The following PTPRS variants were observed in gnomAD, a reference collection of about 807,000 sequenced individuals.
PTPRS encodes the protein receptor-type tyrosine-protein phosphatase S.
In PTPRS, 63 loss-of-function variants were observed where a neutral mutation model predicts 215.3. The ratio of observed to expected loss-of-function variants is 0.29; its 90% CI spans 0.24 to 0.36. The LOEUF (loss-of-function observed/expected upper bound fraction) is 0.36. Among genes scored for constraint, PTPRS ranks in the 10% least tolerant of loss-of-function variants. The pLI, the probability that PTPRS is intolerant of heterozygous loss-of-function variation, is 1.00. For missense variants in PTPRS, 2,258 were observed against 2,825.8 expected, an observed-to-expected ratio of 0.80 and a Z score of 4.56; for synonymous variants, 1,404 against 1,191.4, an observed-to-expected ratio of 1.18 and a Z score of -3.68.
At chr19:5,235,307 G>A (rs907834344) in intron 13 of PTPRS, among the ~76,000 whole-genome samples, 1 of 151,810 alleles carries the variant, frequency 6.6e-6, no homozygotes, top group African/African-American at 2.4e-5. Context: ...TTGGATAACT[G>A]TAACAGCACC....
chr19:5,256,564 G>A (rs1185504060), intron 8 of PTPRS, among the ~76,000 whole-genome samples: 1 of 152,010 alleles, frequency 6.6e-6, no homozygotes, highest in Non-Finnish European at 1.5e-5. Flanking sequence ...CACACCCGCT[G>A]TCCACACTCT....
Position 5,210,664 on chromosome 19 carries a change from T to G in PTPRS, c.5361+15A>C, listed in dbSNP as rs2040787158. On this transcript the variant is annotated intron_variant, in intron 34 of 37. Coordinates refer to ENST00000262963, the MANE Select transcript of PTPRS (RefSeq NM_002850.4). The surrounding 1 kb of genome is among the most constrained non-coding windows in gnomAD (Gnocchi z 4.5). ...GTCTGGCCCTCGCCCTTCCCTGCTG[T>G]GGCCCCTAGCTCACCCGGCCCATCT... 1 of 1,614,046 alleles carries G rather than the reference T, an allele frequency of 6.2e-7. No individual in the cohort carries two copies.
At position 5,214,346 on chromosome 19, in the gene PTPRS, C is replaced by T. The variant is rs776856554; in HGVS notation, c.4614+15G>A. 17 of 1,613,788 alleles carry T rather than the reference C, an allele frequency of 1.1e-5. No individual in the cohort carries two copies. Among genetic ancestry groups the T allele is most frequent in the Non-Finnish European group, 1.4e-5 (17 of 1,180,028 alleles). On this transcript the variant is annotated intron_variant, in intron 30 of 37. Transcript: ENST00000262963. The stretch of plus-strand genomic sequence containing the variant: ...TTCCTCCACCCTCAGCCCCCAGCCC[C>T]AGCCTGGGCCCCACCTTGTGCAGAG...
Position 5,274,250 on chromosome 19 carries a change from T to C in PTPRS, c.186A>G (p.Pro62=). 5.0e-6 allele frequency: 8 copies of C among 1,613,986 alleles called. No homozygotes were observed. Among genetic ancestry groups the C allele is most frequent in the Non-Finnish European group, 6.8e-6 (8 of 1,179,966 alleles). Residue 62 remains proline, a synonymous_variant, in exon 3 of 38, where the codon CCA becomes CCG. Coordinates refer to ENST00000262963, the MANE Select transcript of PTPRS (RefSeq NM_002850.4). ...FVCQATGDPK[P]RVTWNKKGKK... is the part of the protein sequence containing the mutation. ...TGCCCTTCTTGTTCCAGGTCACTCG[T>C]GGCTTGGGGTCACCCGTGGCCTGAC...
At chr19:5,217,209 G>C (rs1380540337) in intron 25 of PTPRS, among the ~76,000 whole-genome samples, 1 of 152,190 alleles carries the variant, frequency 6.6e-6, no homozygotes, top group Non-Finnish European at 1.5e-5. Flanking sequence ...TGCACATGTT[G>C]AAAATCCTTA....
At chr19:5,220,634 T>C (rs963428674) in intron 20 of PTPRS, among the ~76,000 whole-genome samples, 2 of 152,180 alleles carry the variant, frequency 1.3e-5, no homozygotes, top group African/African-American at 4.8e-5. Flanking sequence ...CCACATAACC[T>C]TGTAGCCCTT....
At chr19:5,301,719 G>A (rs1056730908) in intron 1 of PTPRS, among the ~76,000 whole-genome samples, 5 of 151,932 alleles carry the variant, frequency 3.3e-5, no homozygotes, top group African/African-American at 1.2e-4. Flanking sequence ...CCCCAGGAAG[G>A]GTGATCACAG....
chr19:5,305,939 C>CAAAAAAAAAAAAAAAAAAAAAAAA (rs35165317), intron 1 of PTPRS, among the ~76,000 whole-genome samples: 1 of 22,644 alleles, frequency 4.4e-5, no homozygotes, highest in Non-Finnish European at 6.9e-5. Flanking sequence ...GACTCCGTCT[C>CAAAAAAAAAAAAAAAAAAAAAAAA]AAAAAAAAAA....
At chr19:5,322,201 C>T (rs756161329) in intron 1 of PTPRS, among the ~76,000 whole-genome samples, 21 of 152,238 alleles carry the variant, frequency 1.4e-4, no homozygotes, top group Non-Finnish European at 2.1e-4. Context: ...CAGCTCTGCA[C>T]AGCAGACACC....
In PTPRS at chr19:5,267,380, G is replaced by A. The variant is rs1484114403; in HGVS notation, c.380-2184C>T. ...GTGCTCTACAAACCAAGATGGGCCG[G>A]CCGTGGGGGCTCACACCTGTAATCC... On this transcript the variant is annotated intron_variant, in intron 4 of 37. Coordinates refer to ENST00000262963, the MANE Select transcript of PTPRS (RefSeq NM_002850.4). 3.3e-5 allele frequency among the ~76,000 whole-genome samples: 5 copies of A among 152,110 alleles called. No homozygotes were observed. In the South Asian group the frequency reaches 8.3e-4, roughly 25 times the overall value.
At chr19:5,242,605 C>T (rs186694145) in intron 11 of PTPRS, among the ~76,000 whole-genome samples, 1 of 151,676 alleles carries the variant, frequency 6.6e-6, no homozygotes, top group Non-Finnish European at 1.5e-5. Flanking sequence ...TCTCAAACTC[C>T]TGACCTCAGG....
intron 1 of PTPRS, among the ~76,000 whole-genome samples, chr19:5,333,526 C>CACACAA (rs1555812802): frequency 2.6e-5 from 4 of 151,530 alleles, no homozygotes; most frequent in Admixed American, 2.0e-4. Context: ...CACACACACA[C>CACACAA]AATGCGATTC....
intron 1 of PTPRS, among the ~76,000 whole-genome samples, chr19:5,337,214 C>T (rs2050533157): frequency 6.6e-6 from 1 of 152,240 alleles, no homozygotes; most frequent in Non-Finnish European, 1.5e-5. Context: ...CCCCCAAACC[C>T]GCTGGGTTTA....
At chr19:5,258,243 G>A (rs1017946093) in intron 7 of PTPRS, 116 bp from the exon 8 acceptor site, 3 of 856,804 alleles carry the variant, frequency 3.5e-6, no homozygotes, top group African/African-American at 3.4e-5. Context: ...GGGCCAGAGA[G>A]GCAGATAAGA....
At chr19:5,300,457 T>C (rs1262688310) in intron 1 of PTPRS, among the ~76,000 whole-genome samples, 2 of 151,730 alleles carry the variant, frequency 1.3e-5, no homozygotes, top group East Asian at 1.9e-4. Flanking sequence ...ACACAGTATA[T>C]GCTCAATAAA....
Position 5,339,766 on chromosome 19 carries a change from G to A in PTPRS, c.-95+898C>T, listed in dbSNP as rs944767302. On this transcript the variant is annotated intron_variant, in intron 1 of 37. Coordinates refer to ENST00000262963, the MANE Select transcript of PTPRS (RefSeq NM_002850.4). This position sits in a 1 kb window ranked among gnomAD's most constrained non-coding sequence, Gnocchi z 4.2. ...GTATGACGTCACCTCCCCTCCCCCC[G>A]CAGCCCCCGGGGGCTCCCGGGGCGT... is the stretch of plus-strand genomic sequence containing the variant. 6.6e-5 allele frequency among the ~76,000 whole-genome samples: 10 copies of A among 151,440 alleles called. No homozygotes were observed. The highest frequency in any genetic ancestry group is 2.4e-4 in the African/African-American group (10 of 41,252).
Position 5,229,450 on chromosome 19 carries a change from C to G in PTPRS, c.2349+41G>C, listed in dbSNP as rs1017443507. On this transcript the variant is annotated intron_variant, in intron 15 of 37. Transcript: ENST00000262963. ...GGGGGAGCGCAAGGGCCCGTCCCCG[C>G]CCGGAGCCCGTCCCCGGCCCCGCCC... The G allele has an allele frequency of 2.2e-6, 3 of 1,381,152 alleles. No individual in the cohort carries two copies. In the African/African-American group the frequency reaches 4.6e-5, roughly 21 times the overall value. The allele number at this position is 1,381,152 out of a possible 1,614,324, so 85.6% of individuals were successfully genotyped here.
chr19:5,334,449 T>A (rs1425633880), intron 1 of PTPRS, among the ~76,000 whole-genome samples: 1 of 152,202 alleles, frequency 6.6e-6, no homozygotes. Context: ...TGGGCACTGT[T>A]ACTCTTCTCC....
intron 1 of PTPRS, among the ~76,000 whole-genome samples, chr19:5,329,353 G>A (rs558358622): frequency 9.2e-5 from 14 of 152,280 alleles, no homozygotes; most frequent in Admixed American, 4.6e-4. Context: ...CATCCTGGCC[G>A]ATAACATCTT....
Sources: allele counts gnomAD v4.1 joint callset (sites outside exome capture counted in the v4.1 genomes callset), GRCh38; gene constraint gnomAD v4.1.1; non-coding constraint Gnocchi (gnomAD v3.1); transcripts MANE v1.5; gene names NCBI Gene and HGNC (gene_info 2026-07-23, HGNC 2026-07-21).